STARD13: variants seen among roughly 807,000 people sequenced by gnomAD.
STARD13 encodes StAR related lipid transfer domain containing 13.
STARD13 carries 62 observed loss-of-function variants against 106.4 expected under a neutral mutation model. The observed-to-expected ratio is 0.58, with a 90% CI of 0.48 to 0.72. STARD13 has a LOEUF of 0.72. STARD13 is among the 30% of genes least tolerant of loss of function. The pLI is 0.00. For missense variants in STARD13, 1,387 were observed against 1,424.0 expected (o/e 0.97, Z 0.42); for synonymous variants, 565 against 553.0 (o/e 1.02, Z -0.31).
chr13:33,225,763 A>G (rs894936528), intron 1 of STARD13, among the ~76,000 whole-genome samples: 1 of 152,082 alleles, frequency 6.6e-6, no homozygotes, highest in Non-Finnish European at 1.5e-5. Flanking sequence ...TAAAAAAAAA[A>G]CAACTCTTCG....
intron 3 of STARD13, chr13:33,158,596 C>T (rs1015502502): frequency 8.5e-5 from 13 of 152,172 alleles, no homozygotes; most frequent in Non-Finnish European, 1.6e-4. Context: ...AACAAGAGAC[C>T]AGCTCCATCT....
At chr13:33,436,027 C>A in the STARD13 span, among the ~76,000 whole-genome samples, 16 of 152,204 alleles carry the variant, frequency 1.1e-4, no homozygotes, top group Middle Eastern at 6.8e-3. Flanking sequence ...CTGACAGATC[C>A]TTCTATTCTT....
At chr13:33,666,784 G>A in the STARD13 span, among the ~76,000 whole-genome samples, 2 of 151,928 alleles carry the variant, frequency 1.3e-5, no homozygotes, top group East Asian at 3.9e-4. Flanking sequence ...TAGAGACAGG[G>A]TTTCACCATG....
upstream of STARD13, among the ~76,000 whole-genome samples, chr13:33,287,637 T>C (rs533185569): frequency 4.6e-5 from 7 of 152,334 alleles, no homozygotes; most frequent in African/African-American, 1.7e-4. Flanking sequence ...ATTGCAAAGT[T>C]GGCTGCCTGG....
chr13:33,478,274 A>G, the STARD13 span, among the ~76,000 whole-genome samples: 1 of 152,170 alleles, frequency 6.6e-6, no homozygotes, highest in Admixed American at 6.5e-5. Flanking sequence ...CCTAGCCCAA[A>G]TCCTTGGTGT....
chr13:33,624,447 T>C, the STARD13 span, among the ~76,000 whole-genome samples: 2 of 152,260 alleles, frequency 1.3e-5, no homozygotes, highest in Non-Finnish European at 2.9e-5. Flanking sequence ...ATCACCATCA[T>C]GGTGCTGAAA....
chr13:33,277,920 T>A (rs1432181987), intron 1 of STARD13: 1 of 152,236 alleles, frequency 6.6e-6, no homozygotes, highest in Non-Finnish European at 1.5e-5. Context: ...AGTTGACTTT[T>A]AAAGTATTTG....
chr13:33,356,840 C>T, the STARD13 span, among the ~76,000 whole-genome samples: 2 of 152,170 alleles, frequency 1.3e-5, no homozygotes, highest in Non-Finnish European at 1.5e-5. Flanking sequence ...TAAACTAGCA[C>T]TGGATGTGGG....
chr13:33,610,674 G>C, the STARD13 span, among the ~76,000 whole-genome samples: 48 of 152,258 alleles, frequency 3.2e-4, no homozygotes, highest in African/African-American at 1.1e-3. Context: ...CTTATCCTGT[G>C]GGGGCACTCA....
the STARD13 span, among the ~76,000 whole-genome samples, chr13:33,455,785 A>G: frequency 6.6e-6 from 1 of 151,914 alleles, no homozygotes; most frequent in African/African-American, 2.4e-5. Flanking sequence ...AACAACAACA[A>G]CAACAAAAAT....
the STARD13 span, chr13:33,611,190 G>A: frequency 6.6e-6 from 1 of 152,258 alleles, no homozygotes; most frequent in Admixed American, 6.5e-5. Context: ...TTCCTGTTTA[G>A]TTTGGCAGGG....
At chr13:33,458,255 TTTTG>T in the STARD13 span, among the ~76,000 whole-genome samples, 3 of 150,782 alleles carry the variant, frequency 2.0e-5, no homozygotes, top group Non-Finnish European at 2.9e-5. Flanking sequence ...ATATAGGTTT[TTTTG>T]TTTGTTTGTT....
upstream of STARD13, among the ~76,000 whole-genome samples, chr13:33,286,476 T>G (rs1033489722): frequency 1.3e-5 from 2 of 152,202 alleles, no homozygotes; most frequent in East Asian, 3.8e-4. Context: ...CTATCACATT[T>G]AAGACACTGA....
Position 33,126,240 on chromosome 13 carries a change from C to T in STARD13, c.1923G>A (p.Trp641Ter), listed in dbSNP as rs1356553379. ...TCCTCTTCATGAACTTTGGAACTGA[C>T]CTAGAATTTACAGAAACCAGGTCAT... Reference protein sequence around the residue: ...HSMSNKHGWTWSVPKFMKRMK... With the variant: ...HSMSNKHGWT The change falls in exon 7 of 14, where the codon TGG (tryptophan) becomes TGA (stop). Residue 641 changes from tryptophan (W) to a stop codon, truncating the protein, a stop_gained and splice_region_variant. Transcript: ENST00000336934. LOFTEE classifies it high-confidence loss of function. 2 of 1,613,614 alleles carry T rather than the reference C, an allele frequency of 1.2e-6. No individual in the cohort carries two copies. The highest frequency in any genetic ancestry group is 2.2e-5 in the South Asian group (2 of 91,042).
At chr13:33,545,374 C>T in the STARD13 span, among the ~76,000 whole-genome samples, 1 of 152,100 alleles carries the variant, frequency 6.6e-6, no homozygotes, top group Non-Finnish European at 1.5e-5. Flanking sequence ...GGATTACAGG[C>T]GTGAGCCACT....
In STARD13 at chr13:33,105,357, T is replaced by G; in HGVS notation, c.*236A>C. ...AGTCCATTTAATTTTAAGTAATATA[T>G]ATAAAGTTCTCATTTTAAAATTATA... On this transcript the variant is annotated 3_prime_UTR_variant, in exon 14 of 14. Coordinates refer to ENST00000336934, the MANE Select transcript of STARD13 (RefSeq NM_178006.4). 2.0e-6 allele frequency: 1 copy of G among 487,932 alleles called. No homozygotes were observed. The allele number at this position is 487,932 out of a possible 1,614,324, so 30.2% of individuals were successfully genotyped here. A position where few individuals can be genotyped will look rare whatever the true frequency, so the allele number is the denominator to read the frequency against.
chr13:33,644,062 T>C, the STARD13 span, among the ~76,000 whole-genome samples: 1 of 152,206 alleles, frequency 6.6e-6, no homozygotes, highest in Admixed American at 6.5e-5. Flanking sequence ...AAATTCCCAA[T>C]TGGCAACCTT....
In STARD13 at chr13:33,163,602, A is replaced by AT. The variant is rs1566038391; in HGVS notation, c.323+1734_323+1735insA. On this transcript the variant is annotated intron_variant, in intron 3 of 13. Coordinates refer to ENST00000336934, the MANE Select transcript of STARD13 (RefSeq NM_178006.4). ...AAGACTCTGTCTCAAAAAAAAAAAA[A>AT]AAAATATATATATATATATATAAAA... 7.3e-4 allele frequency among the ~76,000 whole-genome samples: 65 copies of AT among 89,608 alleles called. 1 individual carries two copies. The highest frequency in any genetic ancestry group is 2.2e-3 in the African/African-American group (62 of 28,630). The allele number at this position is 89,608 out of a possible 152,430, so 58.8% of individuals were successfully genotyped here.
the STARD13 span, among the ~76,000 whole-genome samples, chr13:33,598,192 T>C: frequency 6.6e-6 from 1 of 152,202 alleles, no homozygotes; most frequent in Non-Finnish European, 1.5e-5. Context: ...AGATTTGGTA[T>C]CCTACATGCT....
Sources: gnomAD v4.1 joint callset for allele counts (sites outside exome capture counted in the v4.1 genomes callset) on GRCh38, gnomAD v4.1.1 for gene constraint, MANE v1.5 for transcripts, NCBI Gene and HGNC (gene_info 2026-07-23, HGNC 2026-07-21) for gene names.